The following SHTN1 variants were observed in gnomAD, a reference collection of about 807,000 sequenced individuals.
The protein encoded by SHTN1 is shootin-1.
In SHTN1, 42 loss-of-function variants were observed where a neutral mutation model predicts 83.1. That is an observed-to-expected ratio of 0.51 (90% confidence interval 0.39 to 0.65). SHTN1 has a LOEUF of 0.65. SHTN1 is among the 30% of genes least tolerant of loss of function. The pLI is 0.00. For missense variants in SHTN1, 622 were observed against 737.8 expected (o/e 0.84, Z 1.82); for synonymous variants, 224 against 247.7 (o/e 0.90, Z 0.90).
intron 1 of SHTN1, among the ~76,000 whole-genome samples, chr10:117,079,811 G>GT (rs1385191100): frequency 1.4e-5 from 2 of 147,568 alleles, no homozygotes; most frequent in African/African-American, 2.5e-5. Flanking sequence ...TTTTTCATGT[G>GT]TTTTTTGGCT....
chr10:117,026,644 T>G (rs905156771), intron 2 of SHTN1, among the ~76,000 whole-genome samples: 1 of 152,110 alleles, frequency 6.6e-6, no homozygotes, highest in African/African-American at 2.4e-5. Flanking sequence ...CTGGTGTCAA[T>G]CTCCTGACCT....
intron 11 of SHTN1, among the ~76,000 whole-genome samples, chr10:116,926,968 C>T (rs2133373723): frequency 6.6e-6 from 1 of 152,252 alleles, no homozygotes; most frequent in Middle Eastern, 3.4e-3. Context: ...AATACGAATT[C>T]CTGTCTGCAT....
At chr10:117,027,248 T>TTCTCATGAA (rs1852345359) in intron 2 of SHTN1, among the ~76,000 whole-genome samples, 1 of 152,096 alleles carries the variant, frequency 6.6e-6, no homozygotes, top group Non-Finnish European at 1.5e-5. Context: ...CATGAATAGT[T>TTCTCATGAA]TAGCACCATC....
At chr10:117,116,996 C>A (rs886548493) in intron 1 of SHTN1, among the ~76,000 whole-genome samples, 3 of 152,072 alleles carry the variant, frequency 2.0e-5, no homozygotes, top group Admixed American at 2.0e-4. Flanking sequence ...AGATGTGGAA[C>A]AAGACAAGGA....
At chr10:117,121,547 C>G (rs1039105867) in intron 1 of SHTN1, among the ~76,000 whole-genome samples, 2 of 151,606 alleles carry the variant, frequency 1.3e-5, no homozygotes, top group East Asian at 3.9e-4. Context: ...CCACTATACT[C>G]CAGCCTGGCC....
intron 1 of SHTN1, among the ~76,000 whole-genome samples, chr10:117,067,801 T>TA (rs1264621376): frequency 5.3e-5 from 8 of 151,888 alleles, no homozygotes; most frequent in Non-Finnish European, 5.9e-5. Flanking sequence ...ATCTAGGAGA[T>TA]AGAGTTGACA....
intron 1 of SHTN1, among the ~76,000 whole-genome samples, chr10:117,107,444 T>C (rs76147418): frequency 0.044 from 4,518 of 101,548 alleles, 235 homozygotes; most frequent in African/African-American, 0.1. Context: ...ACCCAGAACC[T>C]AAAGAGGAAG....
chr10:117,095,685 A>AT (rs1272378032), intron 1 of SHTN1, among the ~76,000 whole-genome samples: 6 of 152,106 alleles, frequency 3.9e-5, no homozygotes, highest in African/African-American at 9.7e-5. Flanking sequence ...AAAAAGTTTC[A>AT]TTTTTTTCCT....
At chr10:117,125,562 T>C (rs1352442334) in intron 1 of SHTN1, among the ~76,000 whole-genome samples, 1 of 152,142 alleles carries the variant, frequency 6.6e-6, no homozygotes, top group Non-Finnish European at 1.5e-5. Flanking sequence ...TAGAGATCTT[T>C]AGTTTGGTCT....
intron 4 of SHTN1, among the ~76,000 whole-genome samples, chr10:116,956,950 C>G (rs1407530991): frequency 1.3e-5 from 2 of 152,046 alleles, no homozygotes; most frequent in Non-Finnish European, 1.5e-5. Context: ...GGTTCTTGCT[C>G]TGTCACCCAG....
chr10:117,062,974 G>T (rs952416151), intron 1 of SHTN1, among the ~76,000 whole-genome samples: 2 of 152,190 alleles, frequency 1.3e-5, no homozygotes, highest in Non-Finnish European at 2.9e-5. Flanking sequence ...TGTAAGATCA[G>T]CAGGCTTTAA....
At chr10:117,014,118 C>T (rs1455266808) in intron 2 of SHTN1, among the ~76,000 whole-genome samples, 1 of 151,692 alleles carries the variant, frequency 6.6e-6, no homozygotes, top group East Asian at 1.9e-4. Flanking sequence ...AGAAACAGAT[C>T]ATGGCTACCA....
At chr10:117,121,732 G>A (rs1853931510) in intron 1 of SHTN1, among the ~76,000 whole-genome samples, 2 of 150,742 alleles carry the variant, frequency 1.3e-5, no homozygotes, top group Admixed American at 6.6e-5. Flanking sequence ...ACACCCTCCT[G>A]TATATTTTAA....
At chr10:117,012,165 A>T (rs1355401484) in intron 2 of SHTN1, among the ~76,000 whole-genome samples, 4 of 151,806 alleles carry the variant, frequency 2.6e-5, no homozygotes, top group African/African-American at 9.7e-5. Flanking sequence ...AGAAAAAGGA[A>T]AAAAAACCCT....
rs1156966135 is a variant in SHTN1, at chr10:117,005,136, G to A, written c.-57C>T. On this transcript the variant is annotated 5_prime_UTR_variant, in exon 1 of 17. Coordinates refer to ENST00000355371, the MANE Select transcript of SHTN1 (RefSeq NM_001127211.3). ...AGAGGGAGCGGCGCGGGGCACACAG[G>A]AGGAGGGGGAAGAAAAAGCAAGATG... 3.0e-5 allele frequency: 47 copies of A among 1,558,004 alleles called. No individual in the cohort carries two copies. Among genetic ancestry groups the A allele is most frequent in the Non-Finnish European group, 3.7e-5 (43 of 1,150,340 alleles).
intron 16 of SHTN1, chr10:116,900,312 C>T (rs192358830): frequency 8.6e-5 from 48 of 558,414 alleles, no homozygotes; most frequent in African/African-American, 8.4e-4. Flanking sequence ...AGTCATTGAA[C>T]AAGCAAGATG....
At chr10:116,947,014 C>T (rs1020817925) in intron 7 of SHTN1, among the ~76,000 whole-genome samples, 1 of 152,082 alleles carries the variant, frequency 6.6e-6, no homozygotes, top group East Asian at 1.9e-4. Flanking sequence ...AGCCACCGCG[C>T]CTGGACATAT....
intron 16 of SHTN1, among the ~76,000 whole-genome samples, chr10:116,887,008 C>G (rs1422214062): frequency 1.3e-5 from 2 of 152,044 alleles, no homozygotes; most frequent in African/African-American, 2.4e-5. Context: ...GCTGAGGAGC[C>G]TGCAGGGACA....
At chr10:117,009,686 C>G (rs538748971), upstream of SHTN1, among the ~76,000 whole-genome samples, 10 of 152,160 alleles carry the variant, frequency 6.6e-5, no homozygotes, top group African/African-American at 1.4e-4. Flanking sequence ...GGGCAGATCA[C>G]GAGGTCAGGA....
Sources: allele counts gnomAD v4.1 joint callset (sites outside exome capture counted in the v4.1 genomes callset), GRCh38; gene constraint gnomAD v4.1.1; transcripts MANE v1.5; gene names NCBI Gene and HGNC (gene_info 2026-07-23, HGNC 2026-07-21).